EIF2B3: variants seen among roughly 807,000 people sequenced by gnomAD.
EIF2B3 encodes the protein eukaryotic translation initiation factor 2B subunit gamma.
EIF2B3 carries 20 observed loss-of-function variants against 54.1 expected under a neutral mutation model. The observed-to-expected ratio is 0.37, with a 90% CI of 0.26 to 0.54. The LOEUF is 0.54. EIF2B3 is among the 20% of genes least tolerant of loss of function. The probability of loss-of-function intolerance (pLI) is 0.86; values close to 1 mark genes in which losing one functional copy is unlikely to be tolerated. For missense variants in EIF2B3, 448 were observed against 547.8 expected (o/e 0.82, Z 1.82); for synonymous variants, 153 against 188.1 (o/e 0.81, Z 1.52).
intron 5 of EIF2B3, among the ~76,000 whole-genome samples, chr1:44,914,664 T>C (rs1643585609): frequency 6.6e-6 from 1 of 152,190 alleles, no homozygotes; most frequent in African/African-American, 2.4e-5. Flanking sequence ...TTCTCCTTCC[T>C]TCCTTCCTTC....
At chr1:44,945,316 A>G (rs910339797) in intron 3 of EIF2B3, among the ~76,000 whole-genome samples, 3 of 151,880 alleles carry the variant, frequency 2.0e-5, no homozygotes, top group Non-Finnish European at 4.4e-5. Flanking sequence ...GCACTTTGGG[A>G]GGCCGAGGCG....
intron 3 of EIF2B3, among the ~76,000 whole-genome samples, chr1:44,965,742 C>T (rs58263876): frequency 0.065 from 9,599 of 148,110 alleles, 1,058 homozygotes; most frequent in African/African-American, 0.23. Flanking sequence ...CGGGTTCAAG[C>T]GATCTTCGTG....
chr1:44,930,055 A>C (rs1268696184), intron 4 of EIF2B3, among the ~76,000 whole-genome samples: 1 of 152,224 alleles, frequency 6.6e-6, no homozygotes, highest in Admixed American at 6.5e-5. Context: ...ATTAAAAAAA[A>C]AGTCCGTCAT....
At chr1:44,922,720 A>G (rs1643773827) in intron 5 of EIF2B3, among the ~76,000 whole-genome samples, 1 of 151,612 alleles carries the variant, frequency 6.6e-6, no homozygotes, top group Non-Finnish European at 1.5e-5. Context: ...TCTTGCATCA[A>G]TATTTTATAA....
At chr1:44,897,256 A>T in intron 6 of EIF2B3, 99 bp downstream of exon 6, 1 of 860,224 alleles carries the variant, frequency 1.2e-6, no homozygotes. Flanking sequence ...TGCTAATTTT[A>T]GAAACTGGTT....
chr1:44,871,717 G>A (rs184711115), intron 10 of EIF2B3, among the ~76,000 whole-genome samples: 218 of 152,234 alleles, frequency 1.4e-3, no homozygotes, highest in Middle Eastern at 3.4e-3. Context: ...ATGGTGTTAT[G>A]AGGGAAATGA....
At chr1:44,861,139 C>T (rs922407573) in intron 10 of EIF2B3, among the ~76,000 whole-genome samples, 1 of 152,212 alleles carries the variant, frequency 6.6e-6, no homozygotes, top group Non-Finnish European at 1.5e-5. Flanking sequence ...TTGGGATACA[C>T]TCAGTGGGTG....
At position 44,861,066 on chromosome 1, in the gene EIF2B3, C is replaced by G. The variant is rs557545072; in HGVS notation, c.1203-3259G>C. ...GGAAAGTAGCAAAAGGCCAAAACCA[C>G]AGCACCTCTGTGGTGTAGGCTAGAG... On this transcript the variant is annotated intron_variant, in intron 10 of 11. Coordinates refer to ENST00000360403, the MANE Select transcript of EIF2B3 (RefSeq NM_020365.5). 2.0e-5 allele frequency among the ~76,000 whole-genome samples: 3 copies of G among 152,362 alleles called. No individual in the cohort carries two copies. In the East Asian group the frequency reaches 5.8e-4, roughly 29 times the overall value.
intron 3 of EIF2B3, among the ~76,000 whole-genome samples, chr1:44,942,393 ATATATATATATATATATATATATATTT>A (rs1644036045): frequency 7.8e-5 from 1 of 12,784 alleles, no homozygotes; most frequent in South Asian, 2.4e-3. Flanking sequence ...ATATATATAT[ATATATATATATATATATATATATATTT>A]TTTTTTTTTT....
chr1:44,971,372 GAAAA>G (rs35558705), intron 3 of EIF2B3, among the ~76,000 whole-genome samples: 1 of 118,044 alleles, frequency 8.5e-6, no homozygotes. Flanking sequence ...TCCGTCTCCA[GAAAA>G]AAAAAAAAAA....
chr1:44,879,461 C>A (rs1341943200), intron 8 of EIF2B3, among the ~76,000 whole-genome samples: 1 of 152,224 alleles, frequency 6.6e-6, no homozygotes, highest in Non-Finnish European at 1.5e-5. Context: ...ATGTTTACTT[C>A]ATCAGAGTAA....
chr1:44,934,634 A>T (rs1643928156), intron 4 of EIF2B3, among the ~76,000 whole-genome samples: 1 of 151,838 alleles, frequency 6.6e-6, no homozygotes, highest in South Asian at 2.1e-4. Context: ...CCTCCCAAGT[A>T]GCTGGGATTA....
intron 3 of EIF2B3, chr1:44,958,861 AG>A (rs1262420255): frequency 1.6e-5 from 14 of 894,272 alleles, no homozygotes; most frequent in Non-Finnish European, 2.6e-5. Context: ...CAGGTACATC[AG>A]GAACATCTCT....
At chr1:44,933,011 C>T (rs1479935949) in intron 4 of EIF2B3, among the ~76,000 whole-genome samples, 1 of 151,874 alleles carries the variant, frequency 6.6e-6, no homozygotes, top group Non-Finnish European at 1.5e-5. Context: ...AAAATGACAG[C>T]TCTACAGCAG....
At chr1:44,871,526 C>T (rs1316059495) in intron 10 of EIF2B3, among the ~76,000 whole-genome samples, 1 of 152,208 alleles carries the variant, frequency 6.6e-6, no homozygotes, top group African/African-American at 2.4e-5. Context: ...CTCTTGTATC[C>T]ATCCCTCTCT....
intron 5 of EIF2B3, among the ~76,000 whole-genome samples, chr1:44,913,595 C>T (rs559432173): frequency 2.6e-5 from 4 of 152,256 alleles, no homozygotes; most frequent in South Asian, 2.1e-4. Context: ...GCCTCAAACT[C>T]CTGAGTGCAA....
chr1:44,873,977 A>T (rs892225205), intron 10 of EIF2B3, among the ~76,000 whole-genome samples: 7 of 150,136 alleles, frequency 4.7e-5, no homozygotes, highest in East Asian at 1.9e-4. Context: ...TGGATTTTTT[A>T]AAATTTTTTT....
intron 6 of EIF2B3, among the ~76,000 whole-genome samples, chr1:44,894,794 C>G (rs556002676): frequency 6.6e-6 from 1 of 152,282 alleles, no homozygotes; most frequent in East Asian, 1.9e-4. Context: ...AAATCTCTTT[C>G]CCATGCAGAA....
chr1:44,850,771 G>A lies in EIF2B3; in HGVS notation c.*180C>T. 1 of 652,772 alleles carries A rather than the reference G, an allele frequency of 1.5e-6. No homozygotes were observed. Among genetic ancestry groups the A allele is most frequent in the African/African-American group, 1.8e-5 (1 of 55,138 alleles). The allele number at this position is 652,772 out of a possible 1,614,324, so 40.4% of individuals were successfully genotyped here. On this transcript the variant is annotated 3_prime_UTR_variant, in exon 12 of 12. Transcript: ENST00000360403. ...AGATGATCTTTACCACATGACACAT[G>A]AACATACACTGTGTACACCTGGAGC...
Sources: gnomAD v4.1 joint callset for allele counts (sites outside exome capture counted in the v4.1 genomes callset) on GRCh38, gnomAD v4.1.1 for gene constraint, MANE v1.5 for transcripts, NCBI Gene and HGNC (gene_info 2026-07-23, HGNC 2026-07-21) for gene names.